CD200R1L: variants seen among roughly 807,000 people sequenced by gnomAD.
CD200R1L encodes the protein CD200 receptor 1 like.
Under a neutral mutation model 24.8 loss-of-function variants are expected in CD200R1L, and 14 were observed. The ratio of observed to expected loss-of-function variants is 0.56; its 90% CI spans 0.37 to 0.88. CD200R1L has a LOEUF of 0.88. Among genes scored for constraint, CD200R1L ranks in the 40% least tolerant of loss-of-function variants. The pLI, the probability that CD200R1L is intolerant of heterozygous loss-of-function variation, is 0.00. For missense variants in CD200R1L, 299 were observed against 297.8 expected, an observed-to-expected ratio of 1.00 and a Z score of -0.03; for synonymous variants, 111 against 109.2, an observed-to-expected ratio of 1.02 and a Z score of -0.11.
At chr3:112,823,435 G>A (rs1187995308) in intron 6 of CD200R1L, among the ~76,000 whole-genome samples, 6 of 152,220 alleles carry the variant, frequency 3.9e-5, no homozygotes, top group Non-Finnish European at 7.3e-5. Flanking sequence ...GGTCTTATGA[G>A]ACTAAGCCTT....
chr3:112,830,884 A>G (rs1267606495), intron 3 of CD200R1L, among the ~76,000 whole-genome samples: 1 of 151,982 alleles, frequency 6.6e-6, no homozygotes, highest in Non-Finnish European at 1.5e-5. Flanking sequence ...AAAAAGGAAA[A>G]AAAAAAAAGT....
chr3:112,819,681 A>G (rs1938483829), intron 7 of CD200R1L, 91 bp downstream of exon 7: 3 of 1,363,186 alleles, frequency 2.2e-6, no homozygotes, highest in Non-Finnish European at 2.9e-6. Context: ...AAAAGTGTCA[A>G]GCTTTTCCCA....
chr3:112,829,512 C>A, intron 3 of CD200R1L, 128 bp from the exon 4 acceptor site: 1 of 1,279,638 alleles, frequency 7.8e-7, no homozygotes, highest in East Asian at 2.6e-5. Context: ...ATACAAAAAT[C>A]ATTGTAAAAC....
At position 112,829,335 on chromosome 3, in the gene CD200R1L, T is replaced by A. The variant is rs531797938; in HGVS notation, c.33A>T (p.Ser11=). The A allele has an allele frequency of 3.8e-5, 62 of 1,614,038 alleles. No homozygotes were observed. The East Asian group carries it at 1.3e-3, about 34-fold the overall frequency. Residue 11 remains serine (S), a synonymous_variant, in exon 4 of 8, where the codon TCA becomes TCT. Coordinates refer to ENST00000488794, the MANE Select transcript of CD200R1L (RefSeq NM_001199215.3). ...GCATATTACCTTCTGCAAAAATTGT[T>A]GAATAGTTCTGTGTCATCTGCTTTC... MGGKQMTQNY[S]TIFAEGNISQ...
intron 3 of CD200R1L, among the ~76,000 whole-genome samples, chr3:112,834,218 C>G (rs1018968554): frequency 6.8e-6 from 1 of 146,332 alleles, no homozygotes; most frequent in Non-Finnish European, 1.5e-5. Context: ...GTGGGGTAGT[C>G]TCACTCACCA....
intron 3 of CD200R1L, among the ~76,000 whole-genome samples, chr3:112,832,932 A>C (rs879364897): frequency 4.6e-4 from 70 of 152,250 alleles, no homozygotes; most frequent in Non-Finnish European, 8.2e-4. Context: ...TATTGATGAC[A>C]TCATATCAAT....
intron 6 of CD200R1L, 55 bp from the exon 7 acceptor site, chr3:112,819,950 T>C: frequency 6.8e-7 from 1 of 1,463,442 alleles, no homozygotes; most frequent in Non-Finnish European, 9.2e-7. Context: ...TAGTTACAAA[T>C]TAGAGTCAAT....
At chr3:112,829,478 A>C in intron 3 of CD200R1L, 94 bp from the exon 4 acceptor site, 1 of 1,328,816 alleles carries the variant, frequency 7.5e-7, no homozygotes. Context: ...ACATGAAGAC[A>C]ATTAGTTAAC....
At chr3:112,844,937 GTAAA>G (rs1243358887) in intron 2 of CD200R1L, among the ~76,000 whole-genome samples, 1 of 151,744 alleles carries the variant, frequency 6.6e-6, no homozygotes. Context: ...AAATAAATAA[GTAAA>G]TAAATAAATA....
rs1020459798 is a variant in CD200R1L, at chr3:112,845,963, G to C, written c.-358-13C>G. 21 of 471,712 alleles carry C rather than the reference G, an allele frequency of 4.5e-5. No individual in the cohort carries two copies. The highest frequency in any genetic ancestry group is 6.8e-5 in the Non-Finnish European group (18 of 264,888). 29.2% of individuals were successfully genotyped at this position (471,712 alleles called of 1,614,324 possible). A position where few individuals can be genotyped will look rare whatever the true frequency, so the allele number is the denominator to read the frequency against. ...TCAGTGAGTTTTGCTGTGTAATAAA[G>C]CAAAAAAGCCAATGCTTACTACTCA... On this transcript the variant is annotated splice_polypyrimidine_tract_variant and intron_variant, in intron 1 of 7. Transcript: ENST00000488794.
Position 112,827,353 on chromosome 3 carries a change from G to A in CD200R1L, c.367+14C>T, listed in dbSNP as rs1938686646. The A allele has an allele frequency of 1.9e-6, 3 of 1,609,140 alleles. No individual in the cohort carries two copies. The highest frequency in any genetic ancestry group is 1.7e-5 in the Admixed American group (1 of 59,708). On this transcript the variant is annotated intron_variant, in intron 5 of 7. Transcript: ENST00000488794. ...CTGGTGATGTGAAATACCTCAGTATGTGATGCTCCTTACCTAACACTTGGA... is the reference window on the plus strand; with the variant it reads ...CTGGTGATGTGAAATACCTCAGTATATGATGCTCCTTACCTAACACTTGGA...
chr3:112,833,741 T>G (rs1938867031), intron 3 of CD200R1L, among the ~76,000 whole-genome samples: 1 of 152,108 alleles, frequency 6.6e-6, no homozygotes, highest in Non-Finnish European at 1.5e-5. Context: ...ATCTAAGCCC[T>G]CCCTGTGTGT....
At chr3:112,840,336 T>C (rs1939049121) in intron 2 of CD200R1L, among the ~76,000 whole-genome samples, 2 of 152,178 alleles carry the variant, frequency 1.3e-5, no homozygotes, top group Non-Finnish European at 2.9e-5. Context: ...CAGGGAGCTT[T>C]TACTCATGGC....
chr3:112,831,009 A>G (rs115161139), intron 3 of CD200R1L, among the ~76,000 whole-genome samples: 6 of 152,322 alleles, frequency 3.9e-5, no homozygotes, highest in Non-Finnish European at 7.4e-5. Context: ...GGAAGGAGGA[A>G]TAGGGGGGAG....
chr3:112,816,825 G>A (rs1453206936), intron 7 of CD200R1L, among the ~76,000 whole-genome samples: 1 of 152,194 alleles, frequency 6.6e-6, no homozygotes, highest in Non-Finnish European at 1.5e-5. Context: ...TTCCCATGCT[G>A]TTCTCATGGT....
Position 112,819,885 on chromosome 3 carries a change from G to T in CD200R1L, c.627C>A (p.Thr209=). ...LSVKLNSGLR[T]SGSPALSLLI... ...GTAAGGACAACGCTGGAGATCCTGA[G>T]GTTCTGAGACCTTTAAATACAGACA... Residue 209 remains threonine, a synonymous_variant, in exon 7 of 8, where the codon ACC becomes ACA. Transcript: ENST00000488794. 6.3e-7 allele frequency: 1 copy of T among 1,597,082 alleles called. No homozygotes were observed. Among genetic ancestry groups the T allele is most frequent in the Non-Finnish European group, 8.5e-7 (1 of 1,174,732 alleles).
rs112346835 is a variant in CD200R1L, at chr3:112,819,666, A to C, written c.740+106T>G. ...AGGGGCTGGAGGGAGAATACAACAT[A>C]CCAAAAAAGTGTCAAGCTTTTCCCA... On this transcript the variant is annotated intron_variant, in intron 7 of 7. Transcript: ENST00000488794. 6 of 1,241,338 alleles carry C rather than the reference A, an allele frequency of 4.8e-6. No homozygotes were observed. The African/African-American group carries it at 9.3e-5, about 19-fold the overall frequency. 76.9% of individuals were successfully genotyped at this position (1,241,338 alleles called of 1,614,324 possible).
intron 6 of CD200R1L, among the ~76,000 whole-genome samples, chr3:112,823,187 C>G (rs1475521294): frequency 2.0e-5 from 3 of 152,174 alleles, no homozygotes; most frequent in East Asian, 3.8e-4. Flanking sequence ...AGCACTGACC[C>G]CATTCCTTTG....
At chr3:112,828,225 A>C (rs1938713639) in intron 4 of CD200R1L, among the ~76,000 whole-genome samples, 1 of 152,224 alleles carries the variant, frequency 6.6e-6, no homozygotes, top group South Asian at 2.1e-4. Flanking sequence ...ATAAATGTGG[A>C]AAGTTTGTGG....
Sources: gnomAD v4.1 joint callset for allele counts (sites outside exome capture counted in the v4.1 genomes callset) on GRCh38, gnomAD v4.1.1 for gene constraint, MANE v1.5 for transcripts, NCBI Gene and HGNC (gene_info 2026-07-23, HGNC 2026-07-21) for gene names.